The following RPS18 variants were observed in gnomAD, a reference collection of about 807,000 sequenced individuals.
RPS18 encodes small ribosomal subunit protein uS13.
For synonymous variants in RPS18, 64 were observed against 70.9 expected, an observed-to-expected ratio of 0.90 and a Z score of 0.49; for missense variants, 49 against 200.8, an observed-to-expected ratio of 0.24 and a Z score of 4.57.
Position 33,276,074 on chromosome 6 carries a change from C to T in RPS18, c.291+8C>T. ...GATGGAAAATACAGCCAGGTGTGTA[C>T]TGAAATGAGGGCAGGATTAGAGGAA... On this transcript the variant is annotated splice_region_variant and intron_variant, in intron 4 of 5. Coordinates refer to ENST00000439602, the MANE Select transcript of RPS18 (RefSeq NM_022551.3). The T allele has an allele frequency of 6.2e-7, 1 of 1,611,756 alleles. No individual in the cohort carries two copies. The highest frequency in any genetic ancestry group is 1.1e-5 in the South Asian group (1 of 91,038).
At position 33,275,903 on chromosome 6, in the gene RPS18, C is replaced by T. The variant is rs780421094; in HGVS notation, c.189+20C>T. On this transcript the variant is annotated intron_variant, in intron 3 of 5. Transcript: ENST00000439602. ...GATGAGGTGAGGACAAGGAAGGGGG[C>T]TGGGGGTGGGGTCAGCCTCAGAAAG... is the stretch of plus-strand genomic sequence containing the variant. 10 of 1,601,954 alleles carry T rather than the reference C, an allele frequency of 6.2e-6. No individual in the cohort carries two copies. The highest frequency in any genetic ancestry group is 1.7e-5 in the Admixed American group (1 of 59,944).
intron 2 of RPS18, among the ~76,000 whole-genome samples, chr6:33,275,099 G>A (rs1765534736): frequency 6.6e-6 from 1 of 152,146 alleles, no homozygotes; most frequent in South Asian, 2.1e-4. Context: ...GGAACTGACA[G>A]CCCAATACCT....
At position 33,272,128 on chromosome 6, in the gene RPS18, A is replaced by C; in HGVS notation, c.3+6A>C. ...CCGCTTGTGCTGCAGCCATGGTAAGACTGGAATCCGTGCCGTGATCCAGCG... is the reference window on the plus strand; with the variant it reads ...CCGCTTGTGCTGCAGCCATGGTAAGCCTGGAATCCGTGCCGTGATCCAGCG... On this transcript the variant is annotated splice_donor_region_variant and intron_variant, in intron 1 of 5. Transcript: ENST00000439602. The C allele has an allele frequency of 6.4e-7, 1 of 1,565,870 alleles. No individual in the cohort carries two copies. Among genetic ancestry groups the C allele is most frequent in the Non-Finnish European group, 8.7e-7 (1 of 1,155,148 alleles).
chr6:33,276,318 A>C (rs1562599342), intron 5 of RPS18, 51 bp downstream of exon 5: 2 of 1,603,392 alleles, frequency 1.2e-6, no homozygotes, highest in Non-Finnish European at 8.5e-7. Flanking sequence ...CATTCCTCCT[A>C]CTCGCTCTTC....
rs145980960 is a variant in RPS18 at position 33,276,273 on chromosome 6, T to TGG, written c.383+11_383+12dup. 2 of 1,612,134 alleles carry TGG rather than the reference T, an allele frequency of 1.2e-6. No individual in the cohort carries two copies. The highest frequency in any genetic ancestry group is 2.7e-5 in the African/African-American group (2 of 74,660). Reference sequence around the variant, plus strand: ...GGGCTGCGTCACTTCTGGGGGTGAGTGGGGGGTCTCATCTCCCTGCCTACC... The same window carrying TGG: ...GGGCTGCGTCACTTCTGGGGGTGAGTGGGGGGGGTCTCATCTCCCTGCCTACC... On this transcript the variant is annotated splice_region_variant and intron_variant, in intron 5 of 5. Transcript: ENST00000439602.
intron 2 of RPS18, among the ~76,000 whole-genome samples, chr6:33,274,005 C>CGCCCAGGCCGGA (rs547960316): frequency 6.6e-6 from 1 of 152,184 alleles, no homozygotes; most frequent in Non-Finnish European, 1.5e-5. Context: ...TCACCCAGGC[C>CGCCCAGGCCGGA]GGAGTGCAAT....
intron 1 of RPS18, 167 bp downstream of exon 1, chr6:33,272,289 C>T (rs962270492): frequency 2.5e-6 from 2 of 790,448 alleles, no homozygotes; most frequent in Admixed American, 2.4e-5. Flanking sequence ...TTCCGGAGAG[C>T]GGGCCCGAGG....
At chr6:33,275,047 AC>A in intron 2 of RPS18, among the ~76,000 whole-genome samples, 1 of 152,334 alleles carries the variant, frequency 6.6e-6, no homozygotes, top group Admixed American at 6.5e-5. Flanking sequence ...TTATGGGGAT[AC>A]AGTGATTTGC....
At chr6:33,275,231 T>TG (rs1335334025) in intron 2 of RPS18, 3 of 153,600 alleles carry the variant, frequency 2.0e-5, no homozygotes, top group Non-Finnish European at 4.4e-5. Context: ...TGCTGAGCAA[T>TG]GGGGGAAAAA....
Position 33,275,982 on chromosome 6 carries a change from C to T in RPS18, c.207C>T (p.Thr69=). 2 of 1,614,086 alleles carry T rather than the reference C, an allele frequency of 1.2e-6. No homozygotes were observed. The highest frequency in any genetic ancestry group is 1.7e-6 in the Non-Finnish European group (2 of 1,180,010). ...CCTGCCAGGTGGAACGTGTGATCAC[C>T]ATTATGCAGAATCCACGCCAGTACA... ...LTEDEVERVI[T]IMQNPRQYKI... is the part of the protein sequence containing the mutation. Residue 69 remains threonine, a synonymous_variant, in exon 4 of 6, where the codon ACC becomes ACT. Transcript: ENST00000439602.
At chr6:33,273,915 C>G (rs928517620) in intron 2 of RPS18, among the ~76,000 whole-genome samples, 1 of 150,442 alleles carries the variant, frequency 6.6e-6, no homozygotes, top group African/African-American at 2.4e-5. Flanking sequence ...TTTGAAAGAC[C>G]CTGCTCTCTT....
intron 1 of RPS18, chr6:33,272,416 G>A (rs1765267735): frequency 4.9e-6 from 3 of 610,056 alleles, no homozygotes; most frequent in Non-Finnish European, 8.8e-6. Flanking sequence ...CTCTCCAGAG[G>A]TTGCATTTTC....
chr6:33,275,814 T>C lies in RPS18; in HGVS notation c.120T>C (p.Tyr40=), dbSNP rs138679027. 152 of 1,611,798 alleles carry C rather than the reference T, an allele frequency of 9.4e-5. No individual in the cohort carries two copies. The Admixed American group carries it at 1.1e-3, about 11-fold the overall frequency. ...TCATTCAGGGTGTGGGCCGAAGATATGCTCATGTGGTGTTGAGGAAAGCAG... is the reference window on the plus strand; with the variant it reads ...TCATTCAGGGTGTGGGCCGAAGATACGCTCATGTGGTGTTGAGGAAAGCAG... ...ITAIKGVGRR[Y]AHVVLRKADI... Residue 40 remains tyrosine, a synonymous_variant, in exon 3 of 6, where the codon TAT becomes TAC. Coordinates refer to ENST00000439602, the MANE Select transcript of RPS18 (RefSeq NM_022551.3).
At chr6:33,274,421 C>T (rs959778512) in intron 2 of RPS18, among the ~76,000 whole-genome samples, 1 of 152,210 alleles carries the variant, frequency 6.6e-6, no homozygotes, top group African/African-American at 2.4e-5. Flanking sequence ...AGTGATCCTC[C>T]AGCCTCAGCC....
chr6:33,273,391 TC>T (rs112256628), intron 2 of RPS18, among the ~76,000 whole-genome samples: 7 of 152,012 alleles, frequency 4.6e-5, no homozygotes, highest in African/African-American at 7.3e-5. Context: ...TCTTTTTTTT[TC>T]CCTTAAGTCA....
intron 1 of RPS18, chr6:33,272,408 C>A: frequency 1.6e-6 from 1 of 607,918 alleles, no homozygotes; most frequent in East Asian, 2.7e-5. Context: ...TGCTTCCTCT[C>A]TCCAGAGGTT....
intron 1 of RPS18, 140 bp downstream of exon 1, chr6:33,272,262 A>G: frequency 1.0e-6 from 1 of 967,990 alleles, no homozygotes; most frequent in Non-Finnish European, 1.6e-6. Flanking sequence ...CTGGAAAGGG[A>G]CACCAAAGAT....
rs1336724066 is a variant in RPS18, at chr6:33,272,687, T to C, written c.63T>C (p.Asp21=). ...TGCGAGTACTCAACACCAACATCGA[T>C]GGGCGGCGGAAAATAGCCTTTGCCA... ...HILRVLNTNI[D]GRRKIAFAIT... Residue 21 remains aspartate (D), a synonymous_variant, in exon 2 of 6, where the codon GAT becomes GAC. Transcript: ENST00000439602. 3 of 1,595,892 alleles carry C rather than the reference T, an allele frequency of 1.9e-6. No individual in the cohort carries two copies. The highest frequency in any genetic ancestry group is 2.6e-6 in the Non-Finnish European group (3 of 1,163,372).
At chr6:33,276,295 T>A (rs1267511864) in intron 5 of RPS18, 28 bp downstream of exon 5, 1 of 1,607,320 alleles carries the variant, frequency 6.2e-7, no homozygotes, top group East Asian at 2.2e-5. Flanking sequence ...TCTCCCTGCC[T>A]ACCTCGACTC....
Sources: gnomAD v4.1 joint callset for allele counts (sites outside exome capture counted in the v4.1 genomes callset) on GRCh38, gnomAD v4.1.1 for gene constraint, MANE v1.5 for transcripts, NCBI Gene and HGNC (gene_info 2026-07-23, HGNC 2026-07-21) for gene names.